Variants in FRZB observed in about 807,000 individuals in gnomAD.
FRZB encodes the protein frizzled related protein.
FRZB carries 34 observed loss-of-function variants against 32.5 expected under a neutral mutation model. The observed-to-expected ratio is 1.05, with a 90% CI of 0.80 to 1.39. FRZB has a LOEUF of 1.39. Among genes scored for constraint, FRZB ranks in the 40% most tolerant of loss-of-function variants. FRZB has a pLI of 0.00. For missense variants in FRZB, 423 were observed against 424.8 expected, an observed-to-expected ratio of 1.00 and a Z score of 0.04; for synonymous variants, 170 against 159.2, an observed-to-expected ratio of 1.07 and a Z score of -0.51.
In FRZB at chr2:182,834,737, T is replaced by G; in HGVS notation, c.*112A>C. ...TAATAATCAGTTATCACATGATTTT[T>G]ATAGTAAACAATAGAATATGATGTG... On this transcript the variant is annotated 3_prime_UTR_variant, in exon 6 of 6. Transcript: ENST00000295113. 1.3e-6 allele frequency: 1 copy of G among 781,322 alleles called. No individual in the cohort carries two copies. Among genetic ancestry groups the G allele is most frequent in the Non-Finnish European group, 2.3e-6 (1 of 436,932 alleles). 48.4% of individuals were successfully genotyped at this position (781,322 alleles called of 1,614,324 possible).
chr2:182,850,145 T>C (rs1285471608), intron 2 of FRZB, among the ~76,000 whole-genome samples: 3 of 151,362 alleles, frequency 2.0e-5, no homozygotes, highest in African/African-American at 4.9e-5. Context: ...TCAGAGTACA[T>C]TGATATTTTC....
intron 1 of FRZB, among the ~76,000 whole-genome samples, chr2:182,862,167 C>G (rs1695840252): frequency 2.0e-5 from 3 of 152,218 alleles, no homozygotes; most frequent in Admixed American, 2.0e-4. Context: ...TAAATGGCAG[C>G]TCCTGCATAT....
chr2:182,851,144 T>G (rs1695705531), intron 2 of FRZB, among the ~76,000 whole-genome samples: 2 of 152,230 alleles, frequency 1.3e-5, no homozygotes. Flanking sequence ...CCAGATACTT[T>G]GCAAATATTT....
chr2:182,862,856 C>T (rs953589375), intron 1 of FRZB, among the ~76,000 whole-genome samples: 4 of 152,002 alleles, frequency 2.6e-5, no homozygotes, highest in African/African-American at 9.7e-5. Context: ...GCAACCTCCA[C>T]CTCCGGAGTT....
chr2:182,849,039 A>G (rs1695680042), intron 2 of FRZB, among the ~76,000 whole-genome samples: 1 of 152,104 alleles, frequency 6.6e-6, no homozygotes, highest in African/African-American at 2.4e-5. Context: ...CATCCTGGCT[A>G]ACACGGTGAA....
Position 182,858,680 on chromosome 2 carries a change from G to T in FRZB, c.526+106C>A. The T allele has an allele frequency of 6.8e-6, 5 of 733,078 alleles. No homozygotes were observed. In the South Asian group the frequency reaches 9.7e-5, roughly 14 times the overall value. 45.4% of individuals were successfully genotyped at this position (733,078 alleles called of 1,614,324 possible). On this transcript the variant is annotated intron_variant, in intron 2 of 5. Transcript: ENST00000295113. ...TGAGGGAATTTTAAAAAGTTTACTT[G>T]TAAAATGTAGGGCACAAGCTTCCCC...
chr2:182,850,431 A>G (rs1272836645), intron 2 of FRZB, among the ~76,000 whole-genome samples: 2 of 151,988 alleles, frequency 1.3e-5, no homozygotes, highest in East Asian at 1.9e-4. Context: ...GCTCCATGAG[A>G]TTCACTTTTT....
intron 1 of FRZB, among the ~76,000 whole-genome samples, chr2:182,865,360 C>A: frequency 6.6e-6 from 1 of 152,124 alleles, no homozygotes; most frequent in South Asian, 2.1e-4. Flanking sequence ...TAATTTCAGT[C>A]TGCCAGCTCT....
Position 182,835,001 on chromosome 2 carries a change from A to G in FRZB, c.862-36T>C, listed in dbSNP as rs763999182. ...TAAAATAGAAAATAGTCACAAGCAC[A>G]TATCACCAGGGTCATTATTTCCATG... On this transcript the variant is annotated intron_variant, in intron 5 of 5. Transcript: ENST00000295113. 4 of 1,395,030 alleles carry G rather than the reference A, an allele frequency of 2.9e-6. No individual in the cohort carries two copies. In the South Asian group the frequency reaches 3.5e-5, roughly 12 times the overall value. 86.4% of individuals were successfully genotyped at this position (1,395,030 alleles called of 1,614,324 possible).
intron 1 of FRZB, among the ~76,000 whole-genome samples, chr2:182,864,217 C>T (rs941521686): frequency 2.0e-5 from 3 of 152,182 alleles, no homozygotes; most frequent in African/African-American, 7.2e-5. Context: ...TTGACTATGG[C>T]TTTTTGAGAG....
intron 1 of FRZB, among the ~76,000 whole-genome samples, chr2:182,862,579 C>T (rs1161169142): frequency 5.3e-5 from 8 of 151,882 alleles, no homozygotes. Flanking sequence ...TTTGTTTTTC[C>T]CCAGAGATGA....
At chr2:182,864,133 G>A (rs1241943611) in intron 1 of FRZB, among the ~76,000 whole-genome samples, 1 of 152,218 alleles carries the variant, frequency 6.6e-6, no homozygotes, top group Non-Finnish European at 1.5e-5. Context: ...GCTTCAATGA[G>A]GCAACTGTTT....
At chr2:182,835,452 G>A (rs1275456389) in intron 5 of FRZB, among the ~76,000 whole-genome samples, 4 of 151,862 alleles carry the variant, frequency 2.6e-5, no homozygotes, top group Non-Finnish European at 5.9e-5. Context: ...AGGGATGGGG[G>A]GGTCTCAAAA....
At chr2:182,856,790 A>G in intron 2 of FRZB, among the ~76,000 whole-genome samples, 1 of 152,144 alleles carries the variant, frequency 6.6e-6, no homozygotes, top group Non-Finnish European at 1.5e-5. Flanking sequence ...ACAAGTATGT[A>G]CCAAACAGAG....
At chr2:182,842,337 A>G (rs1162405220) in intron 3 of FRZB, 141 bp downstream of exon 3, 1 of 640,432 alleles carries the variant, frequency 1.6e-6, no homozygotes, top group Non-Finnish European at 2.8e-6. Context: ...CAGAGGGACT[A>G]TGCTCCTAAA....
intron 2 of FRZB, among the ~76,000 whole-genome samples, chr2:182,846,861 C>T (rs189526570): frequency 1.3e-5 from 2 of 152,282 alleles, no homozygotes; most frequent in East Asian, 3.9e-4. Context: ...CATCTGGTAA[C>T]ATCCATCACA....
At chr2:182,848,038 C>G (rs1469716083) in intron 2 of FRZB, among the ~76,000 whole-genome samples, 2 of 146,624 alleles carry the variant, frequency 1.4e-5, no homozygotes, top group African/African-American at 5.1e-5. Flanking sequence ...AGATAGTAAG[C>G]AGTAGCTGAT....
rs1695890969 is a variant in FRZB, at chr2:182,866,299, A to T, written c.254T>A (p.Leu85His). Reference protein sequence around the residue: ...LLGTHCSPDLLFFLCAMYAPI... With the variant: ...LLGTHCSPDLHFFLCAMYAPI... The stretch of plus-strand genomic sequence containing the variant: ...CGCGTACATGGCACAGAGGAAGAAG[A>T]GCAGATCGGGGCTGCAGTGGGTGCC... The change falls in exon 1 of 6, where the codon CTC becomes CAC. Residue 85 changes from leucine to histidine, a missense_variant. Coordinates refer to ENST00000295113, the MANE Select transcript of FRZB (RefSeq NM_001463.4). The surrounding 1 kb of genome is among the most constrained non-coding windows in gnomAD (Gnocchi z 4.5). 6.2e-7 allele frequency: 1 copy of T among 1,614,224 alleles called. No individual in the cohort carries two copies. The highest frequency in any genetic ancestry group is 8.5e-7 in the Non-Finnish European group (1 of 1,180,046).
Position 182,844,912 on chromosome 2 carries a change from T to C in FRZB, c.527-2369A>G, listed in dbSNP as rs148663020. On this transcript the variant is annotated intron_variant, in intron 2 of 5. Coordinates refer to ENST00000295113, the MANE Select transcript of FRZB (RefSeq NM_001463.4). ...GCTGGTCTCCAAGGTGACAATGCCA[T>C]ACTAAATATATATTTTAAATATTTA... Among the ~76,000 whole-genome samples, 1,430 of 152,274 alleles carry C rather than the reference T, an allele frequency of 9.4e-3. 10 individuals carry two copies. The highest frequency in any genetic ancestry group is 0.016 in the Non-Finnish European group (1,103 of 68,016).
Sources: allele counts gnomAD v4.1 joint callset (sites outside exome capture counted in the v4.1 genomes callset), GRCh38; gene constraint gnomAD v4.1.1; non-coding constraint Gnocchi (gnomAD v3.1); transcripts MANE v1.5; gene names NCBI Gene and HGNC (gene_info 2026-07-23, HGNC 2026-07-21).